PRKCI: variants seen among roughly 807,000 people sequenced by gnomAD.
The protein encoded by PRKCI is protein kinase C iota type.
PRKCI carries 43 observed loss-of-function variants against 84.0 expected under a neutral mutation model. The observed-to-expected ratio is 0.51, with a 90% CI of 0.40 to 0.66. The LOEUF (loss-of-function observed/expected upper bound fraction) is 0.66. Among genes scored for constraint, PRKCI ranks in the 30% least tolerant of loss-of-function variants. The pLI, the probability that PRKCI is intolerant of heterozygous loss-of-function variation, is 0.00. For missense variants in PRKCI, 459 were observed against 745.6 expected (o/e 0.62, Z 4.48); for synonymous variants, 216 against 234.4 (o/e 0.92, Z 0.72).
intron 14 of PRKCI, 83 bp downstream of exon 14, chr3:170,293,591 A>G: frequency 7.1e-7 from 1 of 1,414,294 alleles, no homozygotes; most frequent in Non-Finnish European, 9.7e-7. Flanking sequence ...TACTACTTTG[A>G]GTAAGAAAAA....
intron 12 of PRKCI, among the ~76,000 whole-genome samples, chr3:170,291,367 T>C (rs1734546368): frequency 6.6e-6 from 1 of 152,200 alleles, no homozygotes; most frequent in Admixed American, 6.5e-5. Context: ...GGACAGGTTT[T>C]CTTCAAGCTA....
chr3:170,301,191 A>T (rs1734810253), intron 17 of PRKCI, among the ~76,000 whole-genome samples: 1 of 152,188 alleles, frequency 6.6e-6, no homozygotes, highest in Non-Finnish European at 1.5e-5. Context: ...TTCTGACAGC[A>T]TTGTGTATTA....
intron 2 of PRKCI, among the ~76,000 whole-genome samples, chr3:170,247,518 G>A (rs549722710): frequency 6.6e-6 from 1 of 151,730 alleles, no homozygotes; most frequent in Admixed American, 6.6e-5. Context: ...ATCACCTGAG[G>A]TCGGGAGTTC....
At chr3:170,247,520 C>T (rs889099241) in intron 2 of PRKCI, among the ~76,000 whole-genome samples, 6 of 151,350 alleles carry the variant, frequency 4.0e-5, no homozygotes, top group Non-Finnish European at 8.9e-5. Flanking sequence ...CACCTGAGGT[C>T]GGGAGTTCGA....
chr3:170,279,180 C>T (rs1224549453), intron 8 of PRKCI, among the ~76,000 whole-genome samples: 2 of 152,124 alleles, frequency 1.3e-5, no homozygotes, highest in Non-Finnish European at 2.9e-5. Context: ...GTGCACACCA[C>T]CAACATCCGG....
chr3:170,301,347 A>G (rs1204762115), intron 17 of PRKCI, among the ~76,000 whole-genome samples: 1 of 152,198 alleles, frequency 6.6e-6, no homozygotes, highest in Non-Finnish European at 1.5e-5. Context: ...TGAAGAATAA[A>G]TGCATGATGG....
Position 170,222,599 on chromosome 3 carries a change from G to T in PRKCI, c.-71G>T. On this transcript the variant is annotated 5_prime_UTR_variant, in exon 1 of 18. Coordinates refer to ENST00000295797, the MANE Select transcript of PRKCI (RefSeq NM_002740.6). ...GGTTCTCCGGCAAGCGCAGGCGGCG[G>T]AGTCCCCCACGGCGCCCGAAGCGCC... The T allele has an allele frequency of 1.5e-6, 2 of 1,322,626 alleles. No individual in the cohort carries two copies. The highest frequency in any genetic ancestry group is 1.4e-5 in the South Asian group (1 of 69,898). The allele number at this position is 1,322,626 out of a possible 1,614,324, so 81.9% of individuals were successfully genotyped here.
intron 2 of PRKCI, 86 bp downstream of exon 2, chr3:170,235,437 A>G (rs1048595272): frequency 2.8e-6 from 4 of 1,419,100 alleles, no homozygotes; most frequent in Non-Finnish European, 3.8e-6. Context: ...AGTCCTAAAA[A>G]GTTTAAGAGG....
intron 2 of PRKCI, among the ~76,000 whole-genome samples, chr3:170,243,699 C>G (rs187657518): frequency 2.0e-5 from 3 of 152,282 alleles, no homozygotes; most frequent in Non-Finnish European, 1.5e-5. Context: ...GAAATTGATT[C>G]CTTTTAAAAA....
chr3:170,250,149 T>C (rs1733402323), intron 2 of PRKCI, among the ~76,000 whole-genome samples: 1 of 151,860 alleles, frequency 6.6e-6, no homozygotes, highest in Non-Finnish European at 1.5e-5. Context: ...GGCACACACC[T>C]GTAATCCCAG....
intron 1 of PRKCI, among the ~76,000 whole-genome samples, 196 bp from the exon 2 acceptor site, chr3:170,235,034 C>A (rs1460402130): frequency 1.3e-5 from 2 of 151,982 alleles, no homozygotes; most frequent in Non-Finnish European, 2.9e-5. Context: ...CCCAGCTCAG[C>A]CTCCCAAAGT....
intron 2 of PRKCI, among the ~76,000 whole-genome samples, chr3:170,247,897 A>C (rs756500243): frequency 2.0e-5 from 3 of 152,164 alleles, no homozygotes; most frequent in Non-Finnish European, 4.4e-5. Flanking sequence ...GACCACCTAA[A>C]AATTATGGCA....
intron 4 of PRKCI, among the ~76,000 whole-genome samples, chr3:170,267,131 G>A (rs774350884): frequency 1.3e-5 from 2 of 151,924 alleles, no homozygotes; most frequent in Non-Finnish European, 2.9e-5. Flanking sequence ...GGGGGGGTGC[G>A]GAATATCCTT....
At chr3:170,283,362 G>T (rs987540070) in intron 11 of PRKCI, among the ~76,000 whole-genome samples, 29 of 152,140 alleles carry the variant, frequency 1.9e-4, no homozygotes, top group African/African-American at 7.0e-4. Flanking sequence ...TTATCATGCA[G>T]GGAATAAATA....
intron 1 of PRKCI, among the ~76,000 whole-genome samples, chr3:170,226,273 A>G (rs538744363): frequency 3.3e-4 from 51 of 152,274 alleles, no homozygotes; most frequent in Non-Finnish European, 5.6e-4. Context: ...TTTATTGGAC[A>G]CCACATCTTA....
At chr3:170,292,816 C>T (rs1203352067) in intron 13 of PRKCI, among the ~76,000 whole-genome samples, 1 of 151,566 alleles carries the variant, frequency 6.6e-6, no homozygotes, top group Admixed American at 6.6e-5. Flanking sequence ...CCGAGGCAGG[C>T]GGATCACGAG....
chr3:170,256,411 G>A (rs368927085), intron 2 of PRKCI, among the ~76,000 whole-genome samples: 3 of 152,120 alleles, frequency 2.0e-5, no homozygotes, highest in African/African-American at 4.8e-5. Context: ...GGTTGTATGT[G>A]TCTAGGAATT....
chr3:170,268,920 T>TA (rs201173654), intron 5 of PRKCI, among the ~76,000 whole-genome samples: 2,053 of 152,238 alleles, frequency 0.013, 48 homozygotes, highest in African/African-American at 0.047. Context: ...TTATTTATTT[T>TA]TTTTTTATTT....
At chr3:170,275,130 T>C in intron 7 of PRKCI, 99 bp from the exon 8 acceptor site, 1 of 1,360,290 alleles carries the variant, frequency 7.4e-7, no homozygotes, top group South Asian at 1.9e-5. Flanking sequence ...AAAATAAAAA[T>C]CAGGAGACAA....
Sources: allele counts gnomAD v4.1 joint callset (sites outside exome capture counted in the v4.1 genomes callset), GRCh38; gene constraint gnomAD v4.1.1; transcripts MANE v1.5; gene names NCBI Gene and HGNC (gene_info 2026-07-23, HGNC 2026-07-21).